Variants in MON2 observed in about 807,000 individuals in gnomAD.
MON2 encodes the protein protein MON2 homolog.
MON2 carries 84 observed loss-of-function variants against 208.6 expected under a neutral mutation model. The observed-to-expected ratio is 0.40, with a 90% CI of 0.34 to 0.48. The LOEUF (loss-of-function observed/expected upper bound fraction) is 0.48, where lower values mean the gene tolerates loss of function less well. MON2 is among the 20% of genes least tolerant of loss of function. The pLI, the probability that MON2 is intolerant of heterozygous loss-of-function variation, is 0.59. For missense variants in MON2, 1,611 were observed against 2,015.4 expected (o/e 0.80, Z 3.84); for synonymous variants, 660 against 694.0 (o/e 0.95, Z 0.77).
chr12:62,500,844 C>T lies in MON2; in HGVS notation c.627C>T (p.Leu209=), dbSNP rs780456859. Residue 209 remains leucine (L), a synonymous_variant, in exon 6 of 35, where the codon CTC becomes CTT. Transcript: ENST00000393630. ...GTAACAGAAGATCTGTCAGTACCCT[C>T]AAACCTTGTGCTAAAGATGCATATA... ...GNSNRRSVST[L]KPCAKDAYML... The T allele has an allele frequency of 6.3e-6, 10 of 1,591,636 alleles. No homozygotes were observed. Among genetic ancestry groups the T allele is most frequent in the Admixed American group, 1.8e-5 (1 of 56,154 alleles).
chr12:62,588,059 C>A lies in MON2; in HGVS notation c.4908-15C>A. On this transcript the variant is annotated splice_polypyrimidine_tract_variant and intron_variant, in intron 33 of 34. Transcript: ENST00000393630. ...TTAAAATCTTAATGGAAATGATTTC[C>A]TATCTCTTTTTCAGGCAACAAGTAA... is the stretch of plus-strand genomic sequence containing the variant. 1 of 1,492,766 alleles carries A rather than the reference C, an allele frequency of 6.7e-7. No individual in the cohort carries two copies. The highest frequency in any genetic ancestry group is 9.3e-7 in the Non-Finnish European group (1 of 1,074,514). 92.5% of individuals were successfully genotyped at this position (1,492,766 alleles called of 1,614,324 possible). A position where few individuals can be genotyped will look rare whatever the true frequency, so the allele number is the denominator to read the frequency against.
chr12:62,517,534 ACT>A (rs1431473771), intron 8 of MON2, among the ~76,000 whole-genome samples: 4 of 151,914 alleles, frequency 2.6e-5, no homozygotes, highest in Non-Finnish European at 4.4e-5. Context: ...TGAGGGTGGG[ACT>A]CTCATGATGG....
chr12:62,537,404 T>A, intron 15 of MON2, 141 bp downstream of exon 15: 2 of 690,258 alleles, frequency 2.9e-6, no homozygotes, highest in Non-Finnish European at 4.8e-6. Flanking sequence ...AAGAAACTAG[T>A]TTATGCAGTT....
chr12:62,561,042 C>A lies in MON2; in HGVS notation c.3961C>A (p.Pro1321Thr). ...ISSDASPFIL[P>T]SYTEAVLTSL... ...TTCAGATGCATCCCCTTTTATTCTT[C>A]CATCTTATACCGAAGCAGTTTTGAC... Residue 1321 changes from proline to threonine, a missense_variant, in exon 26 of 35, where the codon CCA becomes ACA. Coordinates refer to ENST00000393630, the MANE Select transcript of MON2 (RefSeq NM_015026.3). 1 of 1,612,870 alleles carries A rather than the reference C, an allele frequency of 6.2e-7. No homozygotes were observed. Among genetic ancestry groups the A allele is most frequent in the Non-Finnish European group, 8.5e-7 (1 of 1,179,054 alleles).
intron 20 of MON2, among the ~76,000 whole-genome samples, chr12:62,543,823 G>A (rs2073355215): frequency 6.6e-6 from 1 of 152,094 alleles, no homozygotes; most frequent in African/African-American, 2.4e-5. Flanking sequence ...AGCCAGGCTG[G>A]TCTTGGAACT....
chr12:62,488,555 A>G (rs969821762), intron 2 of MON2, among the ~76,000 whole-genome samples: 2 of 152,110 alleles, frequency 1.3e-5, no homozygotes, highest in African/African-American at 2.4e-5. Context: ...ACACGTTCAT[A>G]TTTATATTTT....
intron 11 of MON2, among the ~76,000 whole-genome samples, chr12:62,530,422 A>G (rs551384593): frequency 1.3e-5 from 2 of 151,750 alleles, no homozygotes; most frequent in East Asian, 3.9e-4. Flanking sequence ...TAGTAGAGAC[A>G]GGGTTTCACC....
At chr12:62,558,456 G>A (rs2074078933) in intron 25 of MON2, among the ~76,000 whole-genome samples, 1 of 152,040 alleles carries the variant, frequency 6.6e-6, no homozygotes, top group African/African-American at 2.4e-5. Flanking sequence ...CATAAAATAT[G>A]TTAATAGAGA....
At chr12:62,567,617 A>G (rs2074432130) in intron 29 of MON2, among the ~76,000 whole-genome samples, 1 of 152,150 alleles carries the variant, frequency 6.6e-6, no homozygotes. Context: ...CTTGACTTTC[A>G]CGATACTTTT....
At chr12:62,576,896 C>T (rs910473057) in intron 30 of MON2, among the ~76,000 whole-genome samples, 1 of 151,598 alleles carries the variant, frequency 6.6e-6, no homozygotes, top group African/African-American at 2.4e-5. Flanking sequence ...GAAATAAACA[C>T]ACTAATACAC....
At chr12:62,583,162 T>C (rs2075064768) in intron 32 of MON2, among the ~76,000 whole-genome samples, 1 of 151,878 alleles carries the variant, frequency 6.6e-6, no homozygotes, top group South Asian at 2.1e-4. Context: ...CAAAACCCCA[T>C]CTCTACAAAA....
Position 62,561,096 on chromosome 12 carries a change from T to A in MON2, c.4015T>A (p.Leu1339Ile). The A allele has an allele frequency of 6.2e-7, 1 of 1,603,638 alleles. No individual in the cohort carries two copies. The highest frequency in any genetic ancestry group is 8.5e-7 in the Non-Finnish European group (1 of 1,176,202). The change falls in exon 26 of 35, where the codon TTA becomes ATA. Residue 1339 changes from leucine (L) to isoleucine (I), a missense_variant. Leu to Ile is a conservative substitution (Grantham distance 5). Transcript: ENST00000393630. ...TTTACAGGAAGCTGTACTTACAGCT[T>A]TAGATGTTCTCCAAAAGGTAATATA... ...TSLQEAVLTA[L>I]DVLQKAICVG...
chr12:62,507,637 TTA>T (rs2071173944), intron 7 of MON2, among the ~76,000 whole-genome samples: 1 of 151,934 alleles, frequency 6.6e-6, no homozygotes, highest in Non-Finnish European at 1.5e-5. Context: ...TTTCTTCTGT[TTA>T]TGTTTTTAAT....
At chr12:62,546,716 T>C (rs964945175) in intron 21 of MON2, among the ~76,000 whole-genome samples, 181 bp from the exon 22 acceptor site, 2 of 152,168 alleles carry the variant, frequency 1.3e-5, no homozygotes, top group Admixed American at 6.5e-5. Flanking sequence ...ATTGTGCCAC[T>C]GCACTCCTGC....
At chr12:62,582,285 T>A (rs2075032074) in intron 32 of MON2, among the ~76,000 whole-genome samples, 1 of 152,188 alleles carries the variant, frequency 6.6e-6, no homozygotes, top group Admixed American at 6.5e-5. Flanking sequence ...AGTATTAAAT[T>A]TACCAAGACA....
At chr12:62,480,760 G>T (rs1201820233) in intron 1 of MON2, among the ~76,000 whole-genome samples, 2 of 152,188 alleles carry the variant, frequency 1.3e-5, no homozygotes, top group African/African-American at 4.8e-5. Context: ...GTTAAGGTTT[G>T]ACTGACTAGA....
At chr12:62,496,953 T>C (rs955333310) in intron 4 of MON2, among the ~76,000 whole-genome samples, 1 of 145,436 alleles carries the variant, frequency 6.9e-6, no homozygotes, top group Non-Finnish European at 1.5e-5. Context: ...GTGGCACATA[T>C]ACACCATGGA....
intron 30 of MON2, among the ~76,000 whole-genome samples, chr12:62,573,198 CTA>C (rs1334277142): frequency 6.6e-6 from 1 of 152,188 alleles, no homozygotes; most frequent in African/African-American, 2.4e-5. Context: ...CGCTCATAAA[CTA>C]TATTCAAACA....
chr12:62,508,537 A>T (rs2071223062), intron 8 of MON2, 57 bp downstream of exon 8: 1 of 1,525,272 alleles, frequency 6.6e-7, no homozygotes, highest in Admixed American at 1.7e-5. Context: ...TGCCCTTTGT[A>T]AAAAGTGGTC....
Sources: allele counts gnomAD v4.1 joint callset (sites outside exome capture counted in the v4.1 genomes callset), GRCh38; gene constraint gnomAD v4.1.1; transcripts MANE v1.5; gene names NCBI Gene and HGNC (gene_info 2026-07-23, HGNC 2026-07-21).